ETV7: variants seen among roughly 807,000 people sequenced by gnomAD.
ETV7 encodes the protein transcription factor ETV7.
ETV7 carries 43 observed loss-of-function variants against 39.1 expected under a neutral mutation model. The ratio of observed to expected loss-of-function variants is 1.10; its 90% confidence interval spans 0.86 to 1.42. The LOEUF (loss-of-function observed/expected upper bound fraction) is 1.42, where lower values mean the gene tolerates loss of function less well. Ranked by LOEUF, ETV7 falls within the 40% of genes most tolerant of loss-of-function variation. ETV7 has a pLI of 0.00. For synonymous variants in ETV7, 196 were observed against 176.6 expected (o/e 1.11, Z -0.87); for missense variants, 432 against 442.3 (o/e 0.98, Z 0.21).
At chr6:36,363,120 G>T (rs1216901778), downstream of ETV7, among the ~76,000 whole-genome samples, 1 of 152,260 alleles carries the variant, frequency 6.6e-6, no homozygotes, top group Non-Finnish European at 1.5e-5. Context: ...CAGCTCTGGG[G>T]TGAGGAGGTG....
Position 36,366,615 on chromosome 6 carries a change from G to T in ETV7, c.*30C>A. ...TGGGAGACTCGGTCCCTGCCCCATCGGTACCGGGTGCCTGGAGTCCACCTG... is the reference window on the plus strand; with the variant it reads ...TGGGAGACTCGGTCCCTGCCCCATCTGTACCGGGTGCCTGGAGTCCACCTG... On this transcript the variant is annotated 3_prime_UTR_variant, in exon 8 of 8. Transcript: ENST00000340181. The T allele has an allele frequency of 6.2e-7, 1 of 1,613,970 alleles. No individual in the cohort carries two copies.
At chr6:36,384,005 C>T (rs974606982) in intron 2 of ETV7, among the ~76,000 whole-genome samples, 3 of 152,160 alleles carry the variant, frequency 2.0e-5, no homozygotes, top group African/African-American at 7.2e-5. Flanking sequence ...GAGCCAATAC[C>T]CCTGGAAACA....
chr6:36,381,758 T>C (rs1309057645), intron 2 of ETV7, among the ~76,000 whole-genome samples: 4 of 152,206 alleles, frequency 2.6e-5, no homozygotes, highest in Non-Finnish European at 4.4e-5. Context: ...CAGTTCACGT[T>C]GTGTACTGCA....
At chr6:36,360,053 C>T (rs1266583715) in intron 7 of ETV7, among the ~76,000 whole-genome samples, 1 of 152,144 alleles carries the variant, frequency 6.6e-6, no homozygotes, top group Non-Finnish European at 1.5e-5. Flanking sequence ...CCACCATGCC[C>T]AGCTAATTTT....
intron 2 of ETV7, among the ~76,000 whole-genome samples, chr6:36,376,797 G>A (rs932036629): frequency 1.3e-5 from 2 of 149,476 alleles, no homozygotes; most frequent in Middle Eastern, 3.4e-3. Context: ...AAAAAAAAAA[G>A]GAAGGGATGT....
At chr6:36,361,648 C>A (rs1772492134), downstream of ETV7, among the ~76,000 whole-genome samples, 1 of 152,222 alleles carries the variant, frequency 6.6e-6, no homozygotes, top group Admixed American at 6.5e-5. Flanking sequence ...AAGAAAGAAT[C>A]CACCTAACAG....
At chr6:36,363,673 C>T (rs999636007), downstream of ETV7, among the ~76,000 whole-genome samples, 19 of 152,362 alleles carry the variant, frequency 1.2e-4, no homozygotes, top group African/African-American at 4.6e-4. Context: ...GCCCCACCCA[C>T]ATCCTGCTGA....
chr6:36,375,713 A>T, intron 3 of ETV7, 158 bp downstream of exon 3: 1 of 1,187,596 alleles, frequency 8.4e-7, no homozygotes, highest in Non-Finnish European at 1.2e-6. Context: ...GAACCACCAG[A>T]TACACACGTA....
chr6:36,385,745 AT>A (rs1438564761), intron 1 of ETV7, 76 bp from the exon 2 acceptor site: 28 of 1,503,788 alleles, frequency 1.9e-5, no homozygotes, highest in South Asian at 4.0e-5. Context: ...TGTCTTAAGA[AT>A]TTTTTTGGAA....
intron 3 of ETV7, among the ~76,000 whole-genome samples, chr6:36,373,997 C>G (rs1773178323): frequency 6.6e-6 from 1 of 152,164 alleles, no homozygotes; most frequent in Non-Finnish European, 1.5e-5. Context: ...GCCCTGCCTT[C>G]TAAGGAGCAA....
intron 7 of ETV7, among the ~76,000 whole-genome samples, chr6:36,357,042 A>G (rs1582156926): frequency 6.6e-6 from 1 of 152,256 alleles, no homozygotes; most frequent in East Asian, 1.9e-4. Flanking sequence ...TATGGCAGAC[A>G]GTGCATTACA....
chr6:36,361,043 C>T (rs763626291), intron 7 of ETV7, among the ~76,000 whole-genome samples: 39 of 152,296 alleles, frequency 2.6e-4, no homozygotes, highest in Non-Finnish European at 5.3e-4. Context: ...CCCTATTCCC[C>T]TTTGTTTACT....
chr6:36,358,908 C>T (rs1772406248), intron 7 of ETV7, among the ~76,000 whole-genome samples: 1 of 152,166 alleles, frequency 6.6e-6, no homozygotes, highest in South Asian at 2.1e-4. Context: ...ACCGTGCTTC[C>T]TTGAGTTAGG....
intron 2 of ETV7, among the ~76,000 whole-genome samples, chr6:36,381,674 C>T (rs551553721): frequency 2.6e-5 from 4 of 152,232 alleles, no homozygotes; most frequent in East Asian, 1.9e-4. Context: ...TTGTCTTGGT[C>T]GATAATCCTT....
At chr6:36,354,737 A>C (rs182436821) in intron 7 of ETV7, 1 of 685,746 alleles carries the variant, frequency 1.5e-6, no homozygotes, top group African/African-American at 1.8e-5. Context: ...ATTGCATTGA[A>C]TATGTAGACC....
At chr6:36,385,710 T>C in intron 1 of ETV7, 41 bp from the exon 2 acceptor site, 1 of 1,561,860 alleles carries the variant, frequency 6.4e-7, no homozygotes, top group Non-Finnish European at 8.6e-7. Flanking sequence ...AAGAGCATCT[T>C]GGTGAAGGCT....
intron 2 of ETV7, among the ~76,000 whole-genome samples, chr6:36,378,138 A>G (rs1186799571): frequency 1.3e-5 from 2 of 152,076 alleles, no homozygotes; most frequent in African/African-American, 4.8e-5. Flanking sequence ...GTGTTCATGC[A>G]CGCACACACG....
At chr6:36,364,604 G>A (rs1039173810), downstream of ETV7, among the ~76,000 whole-genome samples, 1 of 152,194 alleles carries the variant, frequency 6.6e-6, no homozygotes, top group African/African-American at 2.4e-5. Flanking sequence ...GTTCCCGCTC[G>A]TGCCTCTCCC....
At chr6:36,371,663 G>A (rs1773033560) in intron 4 of ETV7, 103 bp from the exon 5 acceptor site, 1 of 1,044,848 alleles carries the variant, frequency 9.6e-7, no homozygotes, top group Non-Finnish European at 1.4e-6. Flanking sequence ...CAGCACTCCT[G>A]ATGCTCTTTC....
Sources: allele counts gnomAD v4.1 joint callset (sites outside exome capture counted in the v4.1 genomes callset), GRCh38; gene constraint gnomAD v4.1.1; transcripts MANE v1.5; gene names NCBI Gene and HGNC (gene_info 2026-07-23, HGNC 2026-07-21).